The following SCAPER variants were observed in gnomAD, a reference collection of about 807,000 sequenced individuals.
SCAPER encodes S-phase cyclin A associated protein in the ER, also known as S phase cyclin A-associated protein in the endoplasmic reticulum.
In SCAPER, 98 loss-of-function variants were observed where a neutral mutation model predicts 182.2. That is an observed-to-expected ratio of 0.54 (90% confidence interval 0.46 to 0.64). SCAPER has a LOEUF of 0.64. Ranked by LOEUF, SCAPER falls within the 30% of genes least tolerant of loss-of-function variation. The pLI, the probability that SCAPER is intolerant of heterozygous loss-of-function variation, is 0.00. For missense variants in SCAPER, 1,432 were observed against 1,690.0 expected (o/e 0.85, Z 2.68); for synonymous variants, 605 against 564.6 (o/e 1.07, Z -1.01).
intron 22 of SCAPER, among the ~76,000 whole-genome samples, chr15:76,617,613 A>G (rs576814478): frequency 6.6e-6 from 1 of 152,318 alleles, no homozygotes; most frequent in East Asian, 1.9e-4. Flanking sequence ...CTGTCCCTTC[A>G]TGTGATTTCT....
intron 2 of SCAPER, among the ~76,000 whole-genome samples, chr15:76,871,459 T>C (rs1017676589): frequency 1.4e-5 from 2 of 140,180 alleles, no homozygotes; most frequent in African/African-American, 5.3e-5. Context: ...AAAAAATAAA[T>C]AAATAAATAA....
intron 21 of SCAPER, among the ~76,000 whole-genome samples, chr15:76,630,524 AT>A (rs979456751): frequency 2.6e-5 from 4 of 152,112 alleles, no homozygotes; most frequent in Admixed American, 6.5e-5. Flanking sequence ...GTTTCAAATA[AT>A]TTCTTAACTT....
intron 25 of SCAPER, among the ~76,000 whole-genome samples, chr15:76,441,598 G>T (rs2047605638): frequency 6.6e-6 from 1 of 151,976 alleles, no homozygotes; most frequent in Admixed American, 6.6e-5. Context: ...TCGCATTCTG[G>T]TATTTCCTCT....
At chr15:76,771,693 TATACTC>T in intron 10 of SCAPER, 43 bp downstream of exon 10, 1 of 1,406,536 alleles carries the variant, frequency 7.1e-7, no homozygotes, top group Non-Finnish European at 1.0e-6. Context: ...GCTTCTTAAA[TATACTC>T]AGAATTCTGA....
At chr15:76,606,405 T>G (rs1254480783) in intron 22 of SCAPER, among the ~76,000 whole-genome samples, 1 of 152,244 alleles carries the variant, frequency 6.6e-6, no homozygotes, top group Admixed American at 6.5e-5. Flanking sequence ...TTTCTGTTCT[T>G]TTACATTTGC....
At chr15:76,716,973 A>G (rs184063057) in intron 17 of SCAPER, among the ~76,000 whole-genome samples, 213 of 152,194 alleles carry the variant, frequency 1.4e-3, no homozygotes, top group South Asian at 4.3e-3. Flanking sequence ...TCCAAGGTAC[A>G]CTATAATCAA....
At chr15:76,412,611 A>G (rs1206542847) in intron 26 of SCAPER, among the ~76,000 whole-genome samples, 1 of 152,098 alleles carries the variant, frequency 6.6e-6, no homozygotes, top group East Asian at 1.9e-4. Context: ...CTATTGATCA[A>G]TCTTATACCA....
intron 23 of SCAPER, among the ~76,000 whole-genome samples, chr15:76,523,674 G>A (rs12441433): frequency 0.5 from 75,720 of 151,782 alleles, 19,680 homozygotes; most frequent in Middle Eastern, 0.64. Context: ...ATTATAACAT[G>A]AGTACAATCA....
chr15:76,418,566 T>C (rs1052726728), intron 26 of SCAPER, among the ~76,000 whole-genome samples: 2 of 152,254 alleles, frequency 1.3e-5, no homozygotes, highest in African/African-American at 4.8e-5. Flanking sequence ...TGTCCTGCCC[T>C]GGGGGCCAGT....
chr15:76,792,045 A>C (rs1024233550), intron 8 of SCAPER, among the ~76,000 whole-genome samples: 28 of 151,134 alleles, frequency 1.9e-4, no homozygotes, highest in South Asian at 6.4e-4. Context: ...AAAAAAAAAA[A>C]CCAATAATTT....
At chr15:76,830,738 G>T (rs2151710155) in intron 5 of SCAPER, among the ~76,000 whole-genome samples, 1 of 152,096 alleles carries the variant, frequency 6.6e-6, no homozygotes, top group Admixed American at 6.5e-5. Flanking sequence ...AGACAGAAGA[G>T]CCAAAATGGC....
Position 76,728,795 on chromosome 15 carries a change from C to G in SCAPER, c.2023-58G>C, listed in dbSNP as rs184654816. ...AATTATGTGTAAAATAAAAATGATT[C>G]AAAGTAATATACCTTTCACCAAACT... is the stretch of plus-strand genomic sequence containing the variant. On this transcript the variant is annotated intron_variant, in intron 16 of 31. Coordinates refer to ENST00000563290, the MANE Select transcript of SCAPER (RefSeq NM_020843.4). The G allele has an allele frequency of 2.5e-5, 38 of 1,528,378 alleles. 1 individual carries two copies. The Admixed American group carries it at 3.8e-4, about 15-fold the overall frequency. The allele number at this position is 1,528,378 out of a possible 1,614,324, so 94.7% of individuals were successfully genotyped here. A position where few individuals can be genotyped will look rare whatever the true frequency, so the allele number is the denominator to read the frequency against.
intron 23 of SCAPER, among the ~76,000 whole-genome samples, chr15:76,525,088 C>G (rs2043104787): frequency 6.6e-6 from 1 of 152,032 alleles, no homozygotes; most frequent in South Asian, 2.1e-4. Flanking sequence ...ACGGGTAGAT[C>G]AAGTAATTTT....
rs1598632432 is a variant in SCAPER, at chr15:76,771,873, CA to C, written c.1116del (p.Val373SerfsTer21). Reference protein sequence around the residue: ...DNYVRTSEISAVHIDTECVSV... With the variant: ...DNYVRTSEISXVHIDTECVSV... ...GAAACACACTCTGTATCAATGTGGA[CA>C]GCAGATATTTCAGAAGTTCGAACAT... On this transcript the variant is annotated frameshift_variant, in exon 10 of 32. Transcript: ENST00000563290. LOFTEE classifies it high-confidence loss of function. The C allele has an allele frequency of 6.2e-7, 1 of 1,613,022 alleles. No homozygotes were observed. The highest frequency in any genetic ancestry group is 1.1e-5 in the South Asian group (1 of 91,058).
intron 8 of SCAPER, 103 bp from the exon 9 acceptor site, chr15:76,775,220 ATAAC>A: frequency 3.1e-6 from 3 of 973,594 alleles, no homozygotes; most frequent in Non-Finnish European, 4.4e-6. Flanking sequence ...CCCAACAAAT[ATAAC>A]TAATATACAA....
chr15:76,897,007 C>T (rs982160393), intron 1 of SCAPER, among the ~76,000 whole-genome samples: 1 of 152,030 alleles, frequency 6.6e-6, no homozygotes, highest in Non-Finnish European at 1.5e-5. Context: ...AAATCCATAT[C>T]CCAAGTCTGC....
chr15:76,619,167 G>C (rs534751156), intron 22 of SCAPER, among the ~76,000 whole-genome samples: 1 of 152,206 alleles, frequency 6.6e-6, no homozygotes, highest in South Asian at 2.1e-4. Flanking sequence ...CTATAAACTA[G>C]TTTGCATTTT....
chr15:76,512,427 G>A (rs2042119185), intron 23 of SCAPER, among the ~76,000 whole-genome samples: 1 of 151,882 alleles, frequency 6.6e-6, no homozygotes, highest in Non-Finnish European at 1.5e-5. Context: ...CCATCTTAGT[G>A]TAAAGCCTTT....
rs1185376117 is a variant in SCAPER at position 76,492,868 on chromosome 15, GT to G, written c.2954+11990del. Among the ~76,000 whole-genome samples, 702 of 121,654 alleles carry G rather than the reference GT, an allele frequency of 5.8e-3. 3 individuals carry two copies. Among genetic ancestry groups the G allele is most frequent in the African/African-American group, 0.013 (426 of 33,586 alleles). 79.8% of individuals were successfully genotyped at this position (121,654 alleles called of 152,430 possible). A position where few individuals can be genotyped will look rare whatever the true frequency, so the allele number is the denominator to read the frequency against. On this transcript the variant is annotated intron_variant, in intron 24 of 31. Transcript: ENST00000563290. The stretch of plus-strand genomic sequence containing the variant: ...TAGACTTGTAACACAATCTGAGAGT[GT>G]TTTTTTTTTTTTTTTTGCAGAAGAC...
Sources: allele counts gnomAD v4.1 joint callset (sites outside exome capture counted in the v4.1 genomes callset), GRCh38; gene constraint gnomAD v4.1.1; transcripts MANE v1.5; gene names NCBI Gene and HGNC (gene_info 2026-07-23, HGNC 2026-07-21).